Variants in IGSF10 observed in about 807,000 individuals in gnomAD.
IGSF10 encodes calvaria mechanical force protein 608.
In IGSF10, 126 loss-of-function variants were observed where a neutral mutation model predicts 128.2. The observed-to-expected ratio is 0.98, with a 90% CI of 0.85 to 1.14. IGSF10 has a LOEUF of 1.14. Among genes scored for constraint, IGSF10 ranks in the 50% most tolerant of loss-of-function variants. The pLI is 0.00. For synonymous variants in IGSF10, 1,185 were observed against 1,146.2 expected (o/e 1.03, Z -0.68); for missense variants, 3,295 against 3,149.8 (o/e 1.05, Z -1.10).
At chr3:151,573,954 G>GTCA in the IGSF10 span, among the ~76,000 whole-genome samples, 41 of 152,132 alleles carry the variant, frequency 2.7e-4, no homozygotes, top group Non-Finnish European at 5.9e-5. Flanking sequence ...GCATTTCCTT[G>GTCA]TCTGTAAAGG....
intron 5 of IGSF10, among the ~76,000 whole-genome samples, chr3:151,452,600 A>T (rs970429169): frequency 6.6e-6 from 1 of 152,150 alleles, no homozygotes; most frequent in Non-Finnish European, 1.5e-5. Context: ...GTGTGTGCGC[A>T]TATGTATATG....
chr3:151,484,729 CAA>C, the IGSF10 span, among the ~76,000 whole-genome samples: 6 of 131,624 alleles, frequency 4.6e-5, no homozygotes, highest in African/African-American at 8.5e-5. Context: ...GGAAAACTGA[CAA>C]AAAAAAAAAA....
chr3:151,577,693 G>A, the IGSF10 span, among the ~76,000 whole-genome samples: 509 of 151,968 alleles, frequency 3.3e-3, 3 homozygotes, highest in African/African-American at 0.011. Context: ...ATACAGAATC[G>A]TAACTCTTTC....
chr3:151,491,165 T>C, the IGSF10 span, among the ~76,000 whole-genome samples: 1 of 151,930 alleles, frequency 6.6e-6, no homozygotes, highest in Non-Finnish European at 1.5e-5. Flanking sequence ...ATTGAAGAAA[T>C]TGCAACAGAC....
At chr3:151,450,724 C>A (rs1721469842) in intron 5 of IGSF10, among the ~76,000 whole-genome samples, 1 of 151,792 alleles carries the variant, frequency 6.6e-6, no homozygotes, top group Admixed American at 6.6e-5. Flanking sequence ...TGGAAAAACC[C>A]CGTCTCTACT....
chr3:151,491,582 G>GACAAACAA, the IGSF10 span, among the ~76,000 whole-genome samples: 1 of 151,962 alleles, frequency 6.6e-6, no homozygotes, highest in African/African-American at 2.4e-5. Context: ...AGTTACAATA[G>GACAAACAA]ACAAACAAAC....
the IGSF10 span, among the ~76,000 whole-genome samples, chr3:151,489,891 A>C: frequency 0.5 from 75,522 of 151,724 alleles, 19,553 homozygotes; most frequent in African/African-American, 0.64. Flanking sequence ...TGATGGGTGC[A>C]GCAAACCACC....
At chr3:151,616,700 CTGAT>C in the IGSF10 span, among the ~76,000 whole-genome samples, 1 of 152,140 alleles carries the variant, frequency 6.6e-6, no homozygotes, top group Non-Finnish European at 1.5e-5. Flanking sequence ...AATAAGTTAA[CTGAT>C]TGATTAATAT....
At chr3:151,612,648 A>G in the IGSF10 span, among the ~76,000 whole-genome samples, 1 of 152,208 alleles carries the variant, frequency 6.6e-6, no homozygotes, top group African/African-American at 2.4e-5. Flanking sequence ...CTTATATGAT[A>G]CGAACAAAGG....
At position 151,445,798 on chromosome 3, in the gene IGSF10, G is replaced by T. The variant is rs768778870; in HGVS notation, c.4183C>A (p.His1395Asn). ...CCAGTTGTGTTTTCTGGTGGGGAAT[G>T]AGTGAATGCAGAGACACTGGGCTTG... ...SVKPSVSAFT[H>N]SPPENTTGIS... The change falls in exon 6 of 8, where the codon CAT (histidine) becomes AAT (asparagine). Residue 1395 changes from histidine to asparagine, a missense_variant. Transcript: ENST00000282466. 3 of 1,614,246 alleles carry T rather than the reference G, an allele frequency of 1.9e-6. No homozygotes were observed. Among genetic ancestry groups the T allele is most frequent in the Non-Finnish European group, 2.5e-6 (3 of 1,180,044 alleles).
chr3:151,573,307 T>C, the IGSF10 span, among the ~76,000 whole-genome samples: 1 of 152,200 alleles, frequency 6.6e-6, no homozygotes, highest in Non-Finnish European at 1.5e-5. Context: ...CTCGTTGATC[T>C]GTCTAATATT....
At chr3:151,549,826 A>G in the IGSF10 span, among the ~76,000 whole-genome samples, 1 of 152,244 alleles carries the variant, frequency 6.6e-6, no homozygotes, top group African/African-American at 2.4e-5. Context: ...GAATTTGTTA[A>G]CTAATCTAGA....
the IGSF10 span, among the ~76,000 whole-genome samples, chr3:151,521,207 C>T: frequency 5.3e-4 from 81 of 151,930 alleles, 1 homozygote; most frequent in Middle Eastern, 6.8e-3. Flanking sequence ...AACAGGAGCA[C>T]CCAGATTCAT....
chr3:151,577,132 T>C, the IGSF10 span, among the ~76,000 whole-genome samples: 5 of 152,202 alleles, frequency 3.3e-5, no homozygotes, highest in Non-Finnish European at 4.4e-5. Flanking sequence ...TATACAAGCA[T>C]ATTTATATGC....
the IGSF10 span, among the ~76,000 whole-genome samples, chr3:151,502,312 T>C: frequency 1.3e-5 from 2 of 152,096 alleles, no homozygotes; most frequent in Non-Finnish European, 2.9e-5. Context: ...AAGTAAATCC[T>C]TTTCACAGTA....
At chr3:151,526,285 C>T in the IGSF10 span, among the ~76,000 whole-genome samples, 1 of 150,490 alleles carries the variant, frequency 6.6e-6, no homozygotes, top group African/African-American at 2.4e-5. Flanking sequence ...TTTGACCTTC[C>T]CTCCAGAGGC....
Position 151,446,627 on chromosome 3 carries a change from A to G in IGSF10, c.3354T>C (p.Ser1118=). 2 of 1,613,990 alleles carry G rather than the reference A, an allele frequency of 1.2e-6. No homozygotes were observed. Among genetic ancestry groups the G allele is most frequent in the Non-Finnish European group, 1.7e-6 (2 of 1,179,998 alleles). The change falls in exon 6 of 8, where the codon AGT becomes AGC. Residue 1118 remains serine, a synonymous_variant. Transcript: ENST00000282466. ...NPLLLLENKP[S]VEKTTPTIKY... is the part of the protein sequence containing the mutation. ...TTATTGTGGGTGTTGTTTTCTCTAC[A>G]CTGGGTTTGTTCTCAAGTAGTAATA...
At position 151,445,448 on chromosome 3, in the gene IGSF10, G is replaced by A. The variant is rs1382116166; in HGVS notation, c.4533C>T (p.His1511=). ...CTACTAATTGCTGTGGTTTAGCATT[G>A]TGCCTTGAGGATTCGTGCAGCTTGA... ...TVVKLHESSR[H]NAKPQQLVAE... is the part of the protein sequence containing the mutation. Residue 1511 remains histidine, a synonymous_variant, in exon 6 of 8, where the codon CAC becomes CAT. Coordinates refer to ENST00000282466, the MANE Select transcript of IGSF10 (RefSeq NM_178822.5). 1 of 1,614,188 alleles carries A rather than the reference G, an allele frequency of 6.2e-7. No individual in the cohort carries two copies. The highest frequency in any genetic ancestry group is 1.3e-5 in the African/African-American group (1 of 75,046).
chr3:151,472,141 T>A, the IGSF10 span, among the ~76,000 whole-genome samples: 1 of 152,204 alleles, frequency 6.6e-6, no homozygotes, highest in African/African-American at 2.4e-5. Context: ...TTATAACCAG[T>A]GTTTGACTTG....
Sources: allele counts gnomAD v4.1 joint callset (sites outside exome capture counted in the v4.1 genomes callset), GRCh38; gene constraint gnomAD v4.1.1; transcripts MANE v1.5; gene names NCBI Gene and HGNC (gene_info 2026-07-23, HGNC 2026-07-21).